RANBP2: variants seen among roughly 807,000 people sequenced by gnomAD.
RANBP2 encodes the protein E3 SUMO-protein ligase RanBP2.
Under a neutral mutation model 303.6 loss-of-function variants are expected in RANBP2, and 57 were observed. That is an observed-to-expected ratio of 0.19 (90% CI 0.15 to 0.23). The LOEUF (loss-of-function observed/expected upper bound fraction) is 0.23, where lower values mean the gene tolerates loss of function less well. RANBP2 is among the 10% of genes least tolerant of loss of function. The pLI is 1.00. For synonymous variants in RANBP2, 1,167 were observed against 1,301.5 expected (o/e 0.90, Z 2.23); for missense variants, 3,138 against 3,780.8 (o/e 0.83, Z 4.46).
chr2:109,115,214 A>G, the RANBP2 span, among the ~76,000 whole-genome samples: 31 of 152,096 alleles, frequency 2.0e-4, no homozygotes, highest in African/African-American at 7.2e-4. Context: ...TGATCTGTCT[A>G]ATGTTGACAG....
the RANBP2 span, among the ~76,000 whole-genome samples, chr2:109,514,045 C>T: frequency 9.2e-5 from 14 of 152,166 alleles, no homozygotes; most frequent in Non-Finnish European, 1.6e-4. Flanking sequence ...AAAGCTAGAA[C>T]GGAGAAGGGC....
chr2:109,553,684 C>A, the RANBP2 span, among the ~76,000 whole-genome samples: 1 of 151,898 alleles, frequency 6.6e-6, no homozygotes, highest in African/African-American at 2.4e-5. Context: ...GAAACCCTGT[C>A]TCTACTAAAA....
At chr2:109,016,336 C>G in the RANBP2 span, among the ~76,000 whole-genome samples, 3 of 152,104 alleles carry the variant, frequency 2.0e-5, no homozygotes, top group Admixed American at 2.0e-4. Context: ...GTCTGCCTGC[C>G]TCGGCCTCCC....
At chr2:108,844,787 A>T in the RANBP2 span, among the ~76,000 whole-genome samples, 2 of 145,960 alleles carry the variant, frequency 1.4e-5, no homozygotes, top group African/African-American at 5.2e-5. Context: ...TTGCTCTGTC[A>T]TCCAGGCTGG....
the RANBP2 span, chr2:108,989,340 C>T: frequency 2.0e-5 from 3 of 152,712 alleles, no homozygotes; most frequent in Non-Finnish European, 4.4e-5. Context: ...GCCATAGGTC[C>T]CTGGCACACC....
the RANBP2 span, among the ~76,000 whole-genome samples, chr2:109,341,142 AC>A: frequency 6.6e-6 from 1 of 152,178 alleles, no homozygotes; most frequent in African/African-American, 2.4e-5. Flanking sequence ...AAAGGAAGAA[AC>A]TGACAGAAGA....
chr2:108,930,938 G>C, the RANBP2 span: 11 of 1,613,262 alleles, frequency 6.8e-6, no homozygotes, highest in Non-Finnish European at 9.3e-6. Context: ...AGGGTGCTGT[G>C]GGGGTAAGGG....
chr2:109,280,661 T>C, the RANBP2 span, among the ~76,000 whole-genome samples: 1 of 152,348 alleles, frequency 6.6e-6, no homozygotes, highest in African/African-American at 2.4e-5. Flanking sequence ...TTTGAGAGCA[T>C]TCGGGTAATG....
chr2:109,615,007 G>C, the RANBP2 span: 4 of 1,544,794 alleles, frequency 2.6e-6, no homozygotes, highest in South Asian at 4.8e-5. Context: ...CCGGGGCCCA[G>C]CGAGGACCTG....
At chr2:109,116,902 AC>A in the RANBP2 span, among the ~76,000 whole-genome samples, 1 of 152,206 alleles carries the variant, frequency 6.6e-6, no homozygotes, top group East Asian at 1.9e-4. Context: ...TCCACTCCAG[AC>A]CCTGTTTGCC....
At chr2:109,390,806 T>C in the RANBP2 span, among the ~76,000 whole-genome samples, 2 of 152,164 alleles carry the variant, frequency 1.3e-5, no homozygotes, top group Admixed American at 6.5e-5. Context: ...CTACCCACTA[T>C]GAGATGAGCC....
the RANBP2 span, among the ~76,000 whole-genome samples, chr2:109,444,129 A>G: frequency 6.6e-6 from 1 of 152,240 alleles, no homozygotes; most frequent in Non-Finnish European, 1.5e-5. Flanking sequence ...TTTGAAAACT[A>G]AACAGTTTAC....
chr2:109,437,041 C>G, the RANBP2 span: 1 of 1,613,802 alleles, frequency 6.2e-7, no homozygotes, highest in Admixed American at 1.7e-5. Context: ...CATCACCACT[C>G]CCCAGGCCCA....
At chr2:109,433,528 GAC>G in the RANBP2 span, among the ~76,000 whole-genome samples, 9 of 152,332 alleles carry the variant, frequency 5.9e-5, no homozygotes, top group East Asian at 1.9e-4. Flanking sequence ...GACACTGCAG[GAC>G]ACACACACAG....
the RANBP2 span, among the ~76,000 whole-genome samples, chr2:109,158,239 A>AT: frequency 6.6e-6 from 1 of 152,176 alleles, no homozygotes; most frequent in Non-Finnish European, 1.5e-5. Flanking sequence ...GCTCCTGTGG[A>AT]TGACTGACAG....
the RANBP2 span, among the ~76,000 whole-genome samples, chr2:109,178,710 A>G: frequency 6.6e-6 from 1 of 152,220 alleles, no homozygotes; most frequent in Non-Finnish European, 1.5e-5. Flanking sequence ...TGTCGTTCAC[A>G]TAGATCTAAT....
At chr2:109,416,904 C>CA in the RANBP2 span, among the ~76,000 whole-genome samples, 3,278 of 63,596 alleles carry the variant, frequency 0.052, 76 homozygotes, top group East Asian at 0.087. Flanking sequence ...GACTTCATCT[C>CA]AAAAAAAAAA....
At chr2:109,359,160 C>CA in the RANBP2 span, among the ~76,000 whole-genome samples, 1 of 152,172 alleles carries the variant, frequency 6.6e-6, no homozygotes, top group Non-Finnish European at 1.5e-5. Flanking sequence ...TTGCCAATGA[C>CA]AGACTGTCTT....
the RANBP2 span, chr2:108,906,251 A>G: frequency 6.3e-7 from 1 of 1,592,120 alleles, no homozygotes; most frequent in Non-Finnish European, 8.6e-7. Context: ...CTCCGGGCCC[A>G]GCCCTTCATG....
Sources: gnomAD v4.1 joint callset for allele counts (sites outside exome capture counted in the v4.1 genomes callset) on GRCh38, gnomAD v4.1.1 for gene constraint, MANE v1.5 for transcripts, NCBI Gene and HGNC (gene_info 2026-07-23, HGNC 2026-07-21) for gene names.